MMP26: variants seen among roughly 807,000 people sequenced by gnomAD.
MMP26 encodes matrix metalloproteinase-26.
In MMP26, 33 loss-of-function variants were observed where a neutral mutation model predicts 31.0. The ratio of observed to expected loss-of-function variants is 1.06; its 90% CI spans 0.81 to 1.42. The LOEUF is 1.42. MMP26 is among the 40% of genes most tolerant of loss of function. The pLI is 0.00. For synonymous variants in MMP26, 122 were observed against 114.9 expected (o/e 1.06, Z -0.40); for missense variants, 347 against 316.1 (o/e 1.10, Z -0.74).
chr11:4,865,978 A>G (rs1850228646), intron 2 of MMP26, among the ~76,000 whole-genome samples: 2 of 152,278 alleles, frequency 1.3e-5, no homozygotes, highest in South Asian at 2.1e-4. Context: ...ATGAGAAAAC[A>G]AACAGAGACT....
intron 2 of MMP26, among the ~76,000 whole-genome samples, chr11:4,987,442 G>A (rs1846919749): frequency 6.7e-6 from 1 of 149,592 alleles, no homozygotes; most frequent in African/African-American, 2.5e-5. Context: ...TTTTTGAGAC[G>A]GAGTCTCCCT....
At chr11:4,940,765 G>T (rs1049597985) in intron 2 of MMP26, among the ~76,000 whole-genome samples, 2 of 152,086 alleles carry the variant, frequency 1.3e-5, no homozygotes, top group Non-Finnish European at 2.9e-5. Flanking sequence ...CAGAAGTTGG[G>T]GGTCATATTC....
At chr11:4,742,620 A>G (rs1291095416) in intron 1 of MMP26, among the ~76,000 whole-genome samples, 1 of 152,146 alleles carries the variant, frequency 6.6e-6, no homozygotes, top group Non-Finnish European at 1.5e-5. Context: ...TATATATGAA[A>G]TTCAGTTGGT....
Position 4,767,353 on chromosome 11 carries a change from CT to C in MMP26, c.-145+16del, listed in dbSNP as rs1848645371. On this transcript the variant is annotated intron_variant, in intron 2 of 7. Coordinates refer to ENST00000380390, the MANE Select transcript of MMP26 (RefSeq NM_021801.5). ...AGTCAACATAAAGGGTAAAATTTTACTTTTATATTATGAATTATCACCCCAA... is the reference window on the plus strand; with the variant it reads ...AGTCAACATAAAGGGTAAAATTTTACTTTATATTATGAATTATCACCCCAA... The C allele has an allele frequency of 6.6e-6, 1 of 152,006 alleles. No individual in the cohort carries two copies. Among genetic ancestry groups the C allele is most frequent in the Non-Finnish European group, 1.5e-5 (1 of 67,984 alleles). The allele number at this position is 152,006 out of a possible 1,614,324, so 9.4% of individuals were successfully genotyped here.
intron 1 of MMP26, among the ~76,000 whole-genome samples, chr11:4,726,221 A>G (rs572015589): frequency 6.6e-6 from 1 of 152,298 alleles, no homozygotes; most frequent in South Asian, 2.1e-4. Context: ...TCACACCTGT[A>G]ATCCCAGCAC....
At chr11:4,934,866 G>T (rs1851410454) in intron 2 of MMP26, among the ~76,000 whole-genome samples, 1 of 151,152 alleles carries the variant, frequency 6.6e-6, no homozygotes, top group Non-Finnish European at 1.5e-5. Context: ...TCTCAGGTTT[G>T]TCAAAGATCA....
chr11:4,862,273 C>T (rs1481064814), intron 2 of MMP26, among the ~76,000 whole-genome samples: 4 of 152,118 alleles, frequency 2.6e-5, no homozygotes, highest in African/African-American at 4.8e-5. Flanking sequence ...TAATGTCCAT[C>T]TCTCCTACTA....
At chr11:4,808,567 T>C (rs543776265) in intron 2 of MMP26, among the ~76,000 whole-genome samples, 1 of 152,194 alleles carries the variant, frequency 6.6e-6, no homozygotes, top group African/African-American at 2.4e-5. Context: ...TAGGAAGTGA[T>C]GAGTTTCTCC....
chr11:4,870,488 G>C lies in MMP26; in HGVS notation c.-145+103147G>C, dbSNP rs566364377. On this transcript the variant is annotated intron_variant, in intron 2 of 7. Coordinates refer to ENST00000380390, the MANE Select transcript of MMP26 (RefSeq NM_021801.5). The stretch of plus-strand genomic sequence containing the variant: ...ACAATATTAATGTGAAGTAGAGAGT[G>C]ATAAGGTGAAGATGGATTTTATAAT... Among the ~76,000 whole-genome samples, 14 of 152,144 alleles carry C rather than the reference G, an allele frequency of 9.2e-5. 1 individual carries two copies. In the South Asian group the frequency reaches 2.9e-3, roughly 32 times the overall value.
chr11:4,822,188 C>A, intron 2 of MMP26: 1 of 1,604,262 alleles, frequency 6.2e-7, no homozygotes, highest in Non-Finnish European at 8.5e-7. Flanking sequence ...TTCTACCTCC[C>A]TCTCATCAGT....
intron 2 of MMP26, among the ~76,000 whole-genome samples, chr11:4,912,208 A>G (rs936243695): frequency 2.6e-5 from 4 of 152,222 alleles, no homozygotes; most frequent in Non-Finnish European, 5.9e-5. Flanking sequence ...TTGCACAGAC[A>G]GCCTTGTGGG....
intron 1 of MMP26, among the ~76,000 whole-genome samples, chr11:4,731,491 C>T (rs1431722160): frequency 6.6e-6 from 1 of 152,134 alleles, no homozygotes; most frequent in African/African-American, 2.4e-5. Flanking sequence ...CTAGCTAGGA[C>T]ATCTGGCACT....
chr11:4,765,093 A>G (rs1185292486), intron 1 of MMP26, among the ~76,000 whole-genome samples: 2 of 152,024 alleles, frequency 1.3e-5, no homozygotes, highest in Non-Finnish European at 1.5e-5. Context: ...TCTTAATTCA[A>G]CAAATGTGAT....
intron 2 of MMP26, chr11:4,860,329 G>A (rs1318803985): frequency 1.1e-5 from 5 of 471,332 alleles, no homozygotes; most frequent in South Asian, 7.7e-5. Context: ...GGAGGGCAAG[G>A]TGGACATGGA....
In MMP26 at chr11:4,907,648, A is replaced by G. The variant is rs1850919874; in HGVS notation, c.-144-80420A>G. On this transcript the variant is annotated intron_variant, in intron 2 of 7. Transcript: ENST00000380390. The stretch of plus-strand genomic sequence containing the variant: ...TCTTGTTCAATGCCATGGGAATTTC[A>G]CCTAATGCCTGCTTTGCTCAAGAAT... The G allele has an allele frequency of 2.5e-6, 4 of 1,613,886 alleles. No homozygotes were observed. In the East Asian group the frequency reaches 8.9e-5, roughly 36 times the overall value.
intron 2 of MMP26, among the ~76,000 whole-genome samples, chr11:4,982,745 G>A (rs749547564): frequency 6.6e-6 from 1 of 152,112 alleles, no homozygotes; most frequent in East Asian, 1.9e-4. Flanking sequence ...AATCCCTACG[G>A]GATCCATTTC....
intron 2 of MMP26, chr11:4,821,209 G>A: frequency 1.3e-5 from 8 of 599,270 alleles, no homozygotes; most frequent in Middle Eastern, 4.5e-4. Flanking sequence ...CACAGTTCAG[G>A]GAATTCACTT....
At chr11:4,862,930 C>A (rs981646970) in intron 2 of MMP26, among the ~76,000 whole-genome samples, 15 of 152,092 alleles carry the variant, frequency 9.9e-5, no homozygotes, top group African/African-American at 7.2e-5. Context: ...CTTCTGCCTG[C>A]ACTCTGAGGA....
At chr11:4,978,701 A>G (rs909936271) in intron 2 of MMP26, among the ~76,000 whole-genome samples, 11 of 152,184 alleles carry the variant, frequency 7.2e-5, no homozygotes, top group African/African-American at 2.7e-4. Flanking sequence ...TGTCTCACGT[A>G]TCATCACTTA....
Sources: gnomAD v4.1 joint callset for allele counts (sites outside exome capture counted in the v4.1 genomes callset) on GRCh38, gnomAD v4.1.1 for gene constraint, MANE v1.5 for transcripts, NCBI Gene and HGNC (gene_info 2026-07-23, HGNC 2026-07-21) for gene names.